The following FRMPD4 variants were observed in gnomAD, a reference collection of about 807,000 sequenced individuals.
The protein encoded by FRMPD4 is FERM and PDZ domain-containing protein 4.
FRMPD4 carries 22 observed loss-of-function variants against 94.1 expected under a neutral mutation model. The observed-to-expected ratio is 0.23, with a 90% CI of 0.17 to 0.33. FRMPD4 has a LOEUF of 0.33. FRMPD4 is among the 10% of genes least tolerant of loss of function. FRMPD4 has a pLI of 1.00. For synonymous variants in FRMPD4, 631 were observed against 548.6 expected, an observed-to-expected ratio of 1.15 and a Z score of -2.10; for missense variants, 1,111 against 1,339.9, an observed-to-expected ratio of 0.83 and a Z score of 2.67.
chrX:12,086,756 C>T (rs1387613903), intron 3 of FRMPD4, among the ~76,000 whole-genome samples: 1 of 111,915 alleles, frequency 8.9e-6, no homozygotes, highest in Non-Finnish European at 1.9e-5. Flanking sequence ...TTATGATCCT[C>T]CAGTTTCCAT....
intron 2 of FRMPD4, among the ~76,000 whole-genome samples, chrX:12,543,660 A>G (rs1169690390): frequency 8.9e-6 from 1 of 112,167 alleles, no homozygotes; most frequent in Non-Finnish European, 1.9e-5. Flanking sequence ...TAGTTCAACC[A>G]TTGTGGAAGA....
At chrX:11,987,097 T>TCAAAAAAAAAAAAAAA (rs1569137639) in intron 3 of FRMPD4, among the ~76,000 whole-genome samples, 4 of 14,642 alleles carry the variant, frequency 2.7e-4, no homozygotes, top group African/African-American at 1.9e-3. Context: ...CAAAGACACA[T>TCAAAAAAAAAAAAAAA]TAAAAAAAAA....
intron 1 of FRMPD4, among the ~76,000 whole-genome samples, chrX:12,476,625 AC>A (rs760385329): frequency 2.4e-4 from 27 of 112,172 alleles, no homozygotes; most frequent in Admixed American, 4.7e-4. Flanking sequence ...CAAGAAAAAA[AC>A]AAACAACCCC....
At chrX:12,261,517 A>G (rs1279659673) in intron 1 of FRMPD4, among the ~76,000 whole-genome samples, 1 of 111,942 alleles carries the variant, frequency 8.9e-6, no homozygotes, top group Non-Finnish European at 1.9e-5. Context: ...ACTGGAAGCT[A>G]AAGGACTGCC....
At chrX:12,138,308 G>A (rs908808470), upstream of FRMPD4, among the ~76,000 whole-genome samples, 7 of 112,284 alleles carry the variant, frequency 6.2e-5, no homozygotes, top group Non-Finnish European at 1.3e-4. Context: ...GCTTGGGGAG[G>A]GAGGGGTAGC....
intron 3 of FRMPD4, among the ~76,000 whole-genome samples, chrX:11,954,215 G>A (rs2054241902): frequency 8.9e-6 from 1 of 112,549 alleles, no homozygotes; most frequent in Non-Finnish European, 1.9e-5. Flanking sequence ...TTTTAGGAGA[G>A]GAAGTAGTAA....
intron 1 of FRMPD4, among the ~76,000 whole-genome samples, chrX:12,367,649 A>T (rs2056104496): frequency 1.8e-5 from 2 of 110,929 alleles, no homozygotes; most frequent in South Asian, 7.8e-4. Context: ...TGGTGGCAAT[A>T]ACCATGAGGG....
At chrX:12,039,536 AT>A (rs1173562331) in intron 3 of FRMPD4, among the ~76,000 whole-genome samples, 2 of 110,801 alleles carry the variant, frequency 1.8e-5, no homozygotes, top group South Asian at 3.8e-4. Flanking sequence ...TTAATTTTCT[AT>A]TTTTTTGTTG....
intron 1 of FRMPD4, among the ~76,000 whole-genome samples, chrX:12,217,147 C>A (rs1249970546): frequency 1.8e-5 from 2 of 111,885 alleles, no homozygotes; most frequent in Admixed American, 9.5e-5. Context: ...TTGAAAATTG[C>A]AAGCAGTGGG....
chrX:12,278,279 A>AT (rs1366141364), intron 1 of FRMPD4, among the ~76,000 whole-genome samples: 1 of 111,624 alleles, frequency 9.0e-6, no homozygotes, highest in Admixed American at 9.4e-5. Context: ...CCGGGGAATG[A>AT]TTTTTTTCCC....
At chrX:11,920,250 A>T (rs182578191) in intron 3 of FRMPD4, among the ~76,000 whole-genome samples, 59 of 112,355 alleles carry the variant, frequency 5.3e-4, no homozygotes, top group African/African-American at 1.7e-3. Context: ...ATCACAATCG[A>T]TGATTAATTC....
At chrX:11,871,555 C>CA (rs1170810877) in intron 2 of FRMPD4, among the ~76,000 whole-genome samples, 1 of 112,549 alleles carries the variant, frequency 8.9e-6, no homozygotes. Flanking sequence ...GATGTACTAA[C>CA]AAAATTCATT....
At position 12,214,828 on chromosome X, in the gene FRMPD4, TA is replaced by T. The variant is rs754455039; in HGVS notation, c.41+75822del. ...AATGCTTAATAGATCATGTTTTGAT[TA>T]AAAAATGGATAAATATATAAATGTG... On this transcript the variant is annotated intron_variant, in intron 1 of 16. Transcript: ENST00000675598. 2.7e-5 allele frequency among the ~76,000 whole-genome samples: 3 copies of T among 112,346 alleles called. No homozygotes were observed. The South Asian group carries it at 1.1e-3, about 41-fold the overall frequency.
rs766100707 is a variant in FRMPD4 at position 12,722,558 on chromosome X, G to C, written c.*700G>C. On this transcript the variant is annotated 3_prime_UTR_variant, in exon 17 of 17. Coordinates refer to ENST00000675598, the MANE Select transcript of FRMPD4 (RefSeq NM_001368397.1). Reference sequence around the variant, plus strand: ...GGTTCTAGCATTTAAAAAACTTCCCGGGGAGAAGAACAGAGGGGATGATGG... The same window carrying C: ...GGTTCTAGCATTTAAAAAACTTCCCCGGGAGAAGAACAGAGGGGATGATGG... 9.0e-6 allele frequency: 1 copy of C among 111,213 alleles called. No individual in the cohort carries two copies. Among genetic ancestry groups the C allele is most frequent in the Admixed American group, 9.6e-5 (1 of 10,454 alleles). The allele number at this position is 111,213 out of a possible 1,213,427, so 9.2% of individuals were successfully genotyped here.
intron 2 of FRMPD4, among the ~76,000 whole-genome samples, chrX:12,522,384 T>C (rs1276970029): frequency 9.0e-6 from 1 of 111,011 alleles, no homozygotes; most frequent in Non-Finnish European, 1.9e-5. Context: ...AGGTAGACTT[T>C]CCAAACAAGG....
chrX:12,370,621 G>A (rs975840085), intron 1 of FRMPD4, among the ~76,000 whole-genome samples: 1 of 112,332 alleles, frequency 8.9e-6, no homozygotes, highest in African/African-American at 3.2e-5. Flanking sequence ...CGTGCAAAAG[G>A]CAGGGGTTTG....
At chrX:12,042,762 C>G (rs1338218540) in intron 3 of FRMPD4, among the ~76,000 whole-genome samples, 1 of 111,835 alleles carries the variant, frequency 8.9e-6, no homozygotes, top group African/African-American at 3.3e-5. Context: ...AGAACCATGT[C>G]CTTGTGAAAT....
At chrX:12,186,091 G>A (rs984484745) in intron 1 of FRMPD4, among the ~76,000 whole-genome samples, 16 of 111,347 alleles carry the variant, frequency 1.4e-4, no homozygotes, top group African/African-American at 5.2e-4. Context: ...GCAGTTCCTT[G>A]AATTGCCTCC....
At chrX:12,450,989 C>A (rs555079119) in intron 1 of FRMPD4, among the ~76,000 whole-genome samples, 1 of 109,055 alleles carries the variant, frequency 9.2e-6, no homozygotes, top group East Asian at 2.9e-4. Context: ...AGTGAATGGT[C>A]GACAAGGCCC....
Sources: allele counts gnomAD v4.1 joint callset (sites outside exome capture counted in the v4.1 genomes callset), GRCh38; gene constraint gnomAD v4.1.1; transcripts MANE v1.5; gene names NCBI Gene and HGNC (gene_info 2026-07-23, HGNC 2026-07-21).